TACR3: variants seen among roughly 807,000 people sequenced by gnomAD.
TACR3 encodes tachykinin receptor 3, also known as neuromedin-K receptor.
In TACR3, 34 loss-of-function variants were observed where a neutral mutation model predicts 35.0. That is an observed-to-expected ratio of 0.97 (90% CI 0.74 to 1.30). TACR3 has a LOEUF of 1.30. TACR3 is among the 50% of genes most tolerant of loss of function. TACR3 has a pLI of 0.00. For synonymous variants in TACR3, 233 were observed against 221.1 expected (o/e 1.05, Z -0.48); for missense variants, 558 against 591.7 (o/e 0.94, Z 0.59).
intron 4 of TACR3, chr4:103,591,187 C>T: frequency 1.6e-5 from 7 of 425,748 alleles, no homozygotes; most frequent in Non-Finnish European, 3.0e-5. Context: ...ATCATGAGGG[C>T]ACTTCTTTTT....
chr4:103,645,138 C>G (rs1225987375), intron 3 of TACR3, among the ~76,000 whole-genome samples: 1 of 151,894 alleles, frequency 6.6e-6, no homozygotes, highest in East Asian at 1.9e-4. Flanking sequence ...TGAACATTTA[C>G]TACTGCTGAT....
At chr4:103,714,821 G>A (rs1723051614) in intron 1 of TACR3, among the ~76,000 whole-genome samples, 1 of 152,040 alleles carries the variant, frequency 6.6e-6, no homozygotes, top group African/African-American at 2.4e-5. Context: ...AATACATTTA[G>A]ATAATCTGTT....
At chr4:103,603,566 C>T (rs1009285932) in intron 3 of TACR3, among the ~76,000 whole-genome samples, 1 of 152,206 alleles carries the variant, frequency 6.6e-6, no homozygotes, top group African/African-American at 2.4e-5. Flanking sequence ...TTTATCCAGT[C>T]TATCATTGAT....
chr4:103,627,752 A>C (rs892126277), intron 3 of TACR3, among the ~76,000 whole-genome samples: 12 of 152,162 alleles, frequency 7.9e-5, no homozygotes, highest in African/African-American at 2.2e-4. Context: ...GAAGGTTAAC[A>C]AGGATATCCA....
At chr4:103,620,404 G>A (rs1272966701) in intron 3 of TACR3, among the ~76,000 whole-genome samples, 1 of 152,150 alleles carries the variant, frequency 6.6e-6, no homozygotes, top group Non-Finnish European at 1.5e-5. Context: ...TCCCATTACT[G>A]GGTACACCAA....
intron 3 of TACR3, among the ~76,000 whole-genome samples, chr4:103,639,968 T>G (rs1376861334): frequency 6.6e-6 from 1 of 152,006 alleles, no homozygotes; most frequent in African/African-American, 2.4e-5. Context: ...TAATTAATAA[T>G]CATAATTAGG....
At chr4:103,700,256 T>G (rs1459155150) in intron 1 of TACR3, among the ~76,000 whole-genome samples, 1 of 152,124 alleles carries the variant, frequency 6.6e-6, no homozygotes, top group Non-Finnish European at 1.5e-5. Flanking sequence ...TGGGAAGAAA[T>G]GTGCACAACT....
intron 3 of TACR3, among the ~76,000 whole-genome samples, chr4:103,632,311 AAAG>A (rs1351411304): frequency 6.6e-6 from 1 of 152,250 alleles, no homozygotes; most frequent in East Asian, 1.9e-4. Context: ...TAGGCTGAAT[AAAG>A]AAAATGTGGT....
At chr4:103,597,934 A>C (rs1039947566) in intron 3 of TACR3, among the ~76,000 whole-genome samples, 1 of 152,090 alleles carries the variant, frequency 6.6e-6, no homozygotes, top group Non-Finnish European at 1.5e-5. Flanking sequence ...TGTCTTTATA[A>C]CAGCATGATT....
chr4:103,619,749 A>G (rs893203115), intron 3 of TACR3, among the ~76,000 whole-genome samples: 8 of 152,172 alleles, frequency 5.3e-5, no homozygotes, highest in Non-Finnish European at 1.2e-4. Flanking sequence ...ATTTTTATCA[A>G]AAGGTTTTTC....
At chr4:103,650,070 CTG>C (rs1018966120) in intron 3 of TACR3, among the ~76,000 whole-genome samples, 10 of 152,184 alleles carry the variant, frequency 6.6e-5, no homozygotes, top group South Asian at 6.2e-4. Flanking sequence ...CCTAGTAAGG[CTG>C]TGGTTCTTGC....
chr4:103,688,868 A>G lies in TACR3; in HGVS notation c.548+30260T>C, dbSNP rs551419632. Among the ~76,000 whole-genome samples the G allele has an allele frequency of 1.2e-4, 18 of 152,270 alleles. 1 individual carries two copies. The South Asian group carries it at 3.5e-3, about 30-fold the overall frequency. On this transcript the variant is annotated intron_variant, in intron 1 of 4. Transcript: ENST00000304883. ...ATTCCTCAGGGATCTAGAACTAGAA[A>G]TACCATTTGACCCAGCCATCCCATT...
intron 3 of TACR3, among the ~76,000 whole-genome samples, chr4:103,654,793 T>G (rs557216846): frequency 2.0e-5 from 3 of 151,998 alleles, no homozygotes; most frequent in Non-Finnish European, 4.4e-5. Flanking sequence ...CATCAGTCAT[T>G]GACTCTGATG....
Position 103,719,861 on chromosome 4 carries a change from G to A in TACR3, c.-186C>T. The A allele has an allele frequency of 1.4e-6, 1 of 721,176 alleles. No individual in the cohort carries two copies. The highest frequency in any genetic ancestry group is 2.7e-5 in the East Asian group (1 of 36,688). The allele number at this position is 721,176 out of a possible 1,614,324, so 44.7% of individuals were successfully genotyped here. A position where few individuals can be genotyped will look rare whatever the true frequency, so the allele number is the denominator to read the frequency against. ...CAGCTGGGGCTAAGGGGCAACAGCT[G>A]CACTTTCTCAGAGGCGCTTGCGGCT... On this transcript the variant is annotated 5_prime_UTR_variant, in exon 1 of 5. Coordinates refer to ENST00000304883, the MANE Select transcript of TACR3 (RefSeq NM_001059.3).
chr4:103,644,812 ATAT>A (rs148115918), intron 3 of TACR3, among the ~76,000 whole-genome samples: 3,104 of 151,830 alleles, frequency 0.02, 131 homozygotes, highest in African/African-American at 0.071. Flanking sequence ...ATGAATAACA[ATAT>A]TATTATGACA....
intron 1 of TACR3, among the ~76,000 whole-genome samples, chr4:103,701,076 G>T (rs1453015773): frequency 6.6e-6 from 1 of 152,002 alleles, no homozygotes; most frequent in Admixed American, 6.6e-5. Flanking sequence ...AGGAAATAAA[G>T]GGTATTCAAT....
chr4:103,590,823 G>A (rs957237448), intron 4 of TACR3, among the ~76,000 whole-genome samples: 2 of 152,132 alleles, frequency 1.3e-5, no homozygotes, highest in African/African-American at 4.8e-5. Flanking sequence ...TATCTGGAAA[G>A]CAGATTTTAT....
chr4:103,609,455 CTTTTA>C (rs548493019), intron 3 of TACR3, among the ~76,000 whole-genome samples: 145 of 151,894 alleles, frequency 9.5e-4, no homozygotes, highest in Non-Finnish European at 1.4e-3. Flanking sequence ...TACATTTGGT[CTTTTA>C]TTTTTATGTT....
intron 3 of TACR3, among the ~76,000 whole-genome samples, chr4:103,652,748 G>A (rs1050075423): frequency 2.0e-5 from 3 of 151,898 alleles, no homozygotes; most frequent in African/African-American, 7.3e-5. Context: ...TTGCACTCAT[G>A]TAGCCAATAC....
Sources: gnomAD v4.1 joint callset for allele counts (sites outside exome capture counted in the v4.1 genomes callset) on GRCh38, gnomAD v4.1.1 for gene constraint, MANE v1.5 for transcripts, NCBI Gene and HGNC (gene_info 2026-07-23, HGNC 2026-07-21) for gene names.